Variants in TSPAN9 observed in about 807,000 individuals in gnomAD.
TSPAN9 encodes tetraspanin-9.
A neutral mutation model predicts 31.0 loss-of-function variants in TSPAN9; 16 were observed. The observed-to-expected ratio is 0.52, with a 90% CI of 0.35 to 0.78. The LOEUF (loss-of-function observed/expected upper bound fraction) is 0.78. TSPAN9 is among the 30% of genes least tolerant of loss of function. The probability of loss-of-function intolerance (pLI) is 0.01; values close to 1 mark genes in which losing one functional copy is unlikely to be tolerated. For missense variants in TSPAN9, 272 were observed against 312.5 expected (o/e 0.87, Z 0.98); for synonymous variants, 145 against 121.6 (o/e 1.19, Z -1.27).
rs375641760 is a variant in TSPAN9 at position 3,279,656 on chromosome 12, C to T, written c.330+590C>T. Among the ~76,000 whole-genome samples the T allele has an allele frequency of 2.4e-4, 37 of 152,266 alleles. No homozygotes were observed. The East Asian group carries it at 3.3e-3, about 14-fold the overall frequency. ...TGGCCGGGATTTCAGTCTCTTGGGGCGTGGCAGGCCCTTTGGTACCATGCA... is the reference window on the plus strand; with the variant it reads ...TGGCCGGGATTTCAGTCTCTTGGGGTGTGGCAGGCCCTTTGGTACCATGCA... On this transcript the variant is annotated intron_variant, in intron 5 of 8. Coordinates refer to ENST00000011898, the MANE Select transcript of TSPAN9 (RefSeq NM_006675.5).
intron 2 of TSPAN9, among the ~76,000 whole-genome samples, chr12:3,128,717 T>G (rs1469084361): frequency 6.6e-6 from 1 of 152,242 alleles, no homozygotes; most frequent in African/African-American, 2.4e-5. Context: ...CTAAACACTT[T>G]GAGATTCAGC....
chr12:3,268,910 A>G (rs1591716209), intron 3 of TSPAN9, among the ~76,000 whole-genome samples: 2 of 79,240 alleles, frequency 2.5e-5, no homozygotes, highest in Admixed American at 2.9e-4. Context: ...GTGTTCCTGC[A>G]GCCTGCCCTG....
At chr12:3,211,285 C>T (rs11062570) in intron 3 of TSPAN9, among the ~76,000 whole-genome samples, 81,463 of 152,028 alleles carry the variant, frequency 0.54, 22,621 homozygotes, top group Middle Eastern at 0.68. Context: ...AGACCTGTAC[C>T]GCCACCTGTG....
Position 3,109,299 on chromosome 12 carries a change from TGAGA to T in TSPAN9, c.-18+25586_-18+25589del, listed in dbSNP as rs150191079. On this transcript the variant is annotated intron_variant, in intron 2 of 8. Coordinates refer to ENST00000011898, the MANE Select transcript of TSPAN9 (RefSeq NM_006675.5). ...GTGTGTGTGTGTGTGTGTGTGTGTG[TGAGA>T]GAGAGTGTGTGTGTGTGTGTGTGTT... is the stretch of plus-strand genomic sequence containing the variant. Among the ~76,000 whole-genome samples the T allele has an allele frequency of 8.4e-3, 990 of 118,266 alleles. 4 individuals carry two copies. Among genetic ancestry groups the T allele is most frequent in the Non-Finnish European group, 0.012 (725 of 60,866 alleles). 77.6% of individuals were successfully genotyped at this position (118,266 alleles called of 152,430 possible). A position where few individuals can be genotyped will look rare whatever the true frequency, so the allele number is the denominator to read the frequency against.
intron 3 of TSPAN9, among the ~76,000 whole-genome samples, chr12:3,249,893 GC>G (rs1192907060): frequency 6.6e-6 from 1 of 152,198 alleles, no homozygotes; most frequent in Non-Finnish European, 1.5e-5. Context: ...GGGGTTGATT[GC>G]CCCTTGTCGT....
At chr12:3,189,463 G>C (rs1281998503) in intron 2 of TSPAN9, among the ~76,000 whole-genome samples, 1 of 152,204 alleles carries the variant, frequency 6.6e-6, no homozygotes, top group African/African-American at 2.4e-5. Flanking sequence ...GCATGTGGCA[G>C]GGTGACTACA....
In TSPAN9 at chr12:3,080,080, C is replaced by T. The variant is rs907210421; in HGVS notation, c.-85+2627C>T. 7.9e-5 allele frequency among the ~76,000 whole-genome samples: 12 copies of T among 152,172 alleles called. No homozygotes were observed. The East Asian group carries it at 1.7e-3, about 22-fold the overall frequency. On this transcript the variant is annotated intron_variant, in intron 1 of 8. Transcript: ENST00000011898. ...TTGGGATTACAGGCGTGAGCCACCA[C>T]GCCCAGCCCCTTTCCTCTATGTTGA...
chr12:3,280,944 A>G lies in TSPAN9; in HGVS notation c.433-254A>G, dbSNP rs1156552790. On this transcript the variant is annotated intron_variant, in intron 6 of 8. Coordinates refer to ENST00000011898, the MANE Select transcript of TSPAN9 (RefSeq NM_006675.5). The surrounding 1 kb of genome is among the most constrained non-coding windows in gnomAD (Gnocchi z 4.5). ...TGGTGGGCAAGCACAGGGCTGAGCC[A>G]AGGGGCCCAGCCCGAGGGGTGGGCT... is the stretch of plus-strand genomic sequence containing the variant. Among the ~76,000 whole-genome samples, 2 of 152,028 alleles carry G rather than the reference A, an allele frequency of 1.3e-5. No homozygotes were observed. Among genetic ancestry groups the G allele is most frequent in the Non-Finnish European group, 2.9e-5 (2 of 67,982 alleles).
chr12:3,089,093 G>A lies in TSPAN9; in HGVS notation c.-18+5374G>A, dbSNP rs1351219445. ...TAAAAATGCAAAAAATTAGCCGGGC[G>A]TGGTGGCGGGCGCCTGTAGTCCCAG... On this transcript the variant is annotated intron_variant, in intron 2 of 8. Coordinates refer to ENST00000011898, the MANE Select transcript of TSPAN9 (RefSeq NM_006675.5). Among the ~76,000 whole-genome samples, 29 of 151,540 alleles carry A rather than the reference G, an allele frequency of 1.9e-4. 2 individuals are homozygous for A. Among genetic ancestry groups the A allele is most frequent in the African/African-American group, 1.2e-4 (5 of 41,284 alleles).
At chr12:3,223,833 C>A (rs1163753139) in intron 3 of TSPAN9, among the ~76,000 whole-genome samples, 1 of 152,162 alleles carries the variant, frequency 6.6e-6, no homozygotes, top group Non-Finnish European at 1.5e-5. Context: ...GGTGGCCAGG[C>A]GTCGGGATGG....
chr12:3,148,593 A>G (rs1256795730), intron 2 of TSPAN9, among the ~76,000 whole-genome samples: 2 of 152,208 alleles, frequency 1.3e-5, no homozygotes, highest in African/African-American at 2.4e-5. Context: ...GAGCGTGCAC[A>G]TGACCACACT....
intron 2 of TSPAN9, among the ~76,000 whole-genome samples, chr12:3,098,360 GA>G (rs1054431295): frequency 5.3e-5 from 8 of 152,212 alleles, no homozygotes; most frequent in African/African-American, 1.9e-4. Flanking sequence ...TTCCCATGAA[GA>G]GGGGGCAGGC....
At chr12:3,201,307 T>C in intron 3 of TSPAN9, 51 bp downstream of exon 3, 1 of 1,543,534 alleles carries the variant, frequency 6.5e-7, no homozygotes, top group Non-Finnish European at 9.0e-7. Context: ...TCCTCTTGGC[T>C]TACCATAGCG....
At chr12:3,082,761 G>A (rs1448749889) in intron 1 of TSPAN9, among the ~76,000 whole-genome samples, 2 of 152,172 alleles carry the variant, frequency 1.3e-5, no homozygotes, top group Non-Finnish European at 2.9e-5. Flanking sequence ...AGCTGATTCT[G>A]TGCTGGGTGA....
At chr12:3,253,213 G>A (rs1156288124) in intron 3 of TSPAN9, among the ~76,000 whole-genome samples, 2 of 152,228 alleles carry the variant, frequency 1.3e-5, no homozygotes, top group East Asian at 3.8e-4. Flanking sequence ...CCCTAAGCAG[G>A]CCCGCGTTCC....
intron 2 of TSPAN9, among the ~76,000 whole-genome samples, chr12:3,185,478 G>A (rs1178293102): frequency 6.6e-6 from 1 of 152,200 alleles, no homozygotes; most frequent in Non-Finnish European, 1.5e-5. Context: ...CCCCATGGCT[G>A]GTGGATTTGA....
At position 3,284,698 on chromosome 12, in the gene TSPAN9, C is replaced by T. The variant is rs752786189; in HGVS notation, c.*1582C>T. The stretch of plus-strand genomic sequence containing the variant: ...TTACTGTTTTGCCGTTCAAAAAGGT[C>T]GCGAATCCGTGGGACTGAGCACGGG... On this transcript the variant is annotated 3_prime_UTR_variant, in exon 9 of 9. Transcript: ENST00000011898. 1.2e-3 allele frequency: 176 copies of T among 152,388 alleles called. 1 individual carries two copies. The highest frequency in any genetic ancestry group is 1.8e-3 in the Non-Finnish European group (124 of 68,040). The allele number at this position is 152,388 out of a possible 1,614,324, so 9.4% of individuals were successfully genotyped here. A position where few individuals can be genotyped will look rare whatever the true frequency, so the allele number is the denominator to read the frequency against.
At chr12:3,224,647 G>A (rs139361940) in intron 3 of TSPAN9, among the ~76,000 whole-genome samples, 5 of 152,332 alleles carry the variant, frequency 3.3e-5, no homozygotes, top group Non-Finnish European at 5.9e-5. Flanking sequence ...GGTTGATGCC[G>A]AGCAGCCTGG....
chr12:3,166,509 T>C (rs1302862408), intron 2 of TSPAN9, among the ~76,000 whole-genome samples: 2 of 152,264 alleles, frequency 1.3e-5, no homozygotes, highest in African/African-American at 4.8e-5. Context: ...TTATTTTACA[T>C]GAACAGCTTT....
Sources: allele counts gnomAD v4.1 joint callset (sites outside exome capture counted in the v4.1 genomes callset), GRCh38; gene constraint gnomAD v4.1.1; non-coding constraint Gnocchi (gnomAD v3.1); transcripts MANE v1.5; gene names NCBI Gene and HGNC (gene_info 2026-07-23, HGNC 2026-07-21).